POU6F2: variants seen among roughly 807,000 people sequenced by gnomAD.
The protein encoded by POU6F2 is POU class 6 homeobox 2.
Under a neutral mutation model 71.3 loss-of-function variants are expected in POU6F2, and 31 were observed. The ratio of observed to expected loss-of-function variants is 0.43; its 90% CI spans 0.33 to 0.59. The LOEUF is 0.59. Ranked by LOEUF, POU6F2 falls within the 20% of genes least tolerant of loss-of-function variation. The pLI is 0.04. For missense variants in POU6F2, 783 were observed against 856.8 expected (o/e 0.91, Z 1.07); for synonymous variants, 347 against 355.7 (o/e 0.98, Z 0.27).
chr7:39,404,381 A>G (rs1395514913), intron 5 of POU6F2, among the ~76,000 whole-genome samples: 1 of 152,262 alleles, frequency 6.6e-6, no homozygotes, highest in African/African-American at 2.4e-5. Flanking sequence ...TGGTATCCAG[A>G]GAATAATTCT....
intron 1 of POU6F2, among the ~76,000 whole-genome samples, chr7:39,026,675 C>T (rs1332337326): frequency 1.3e-5 from 2 of 152,042 alleles, no homozygotes; most frequent in African/African-American, 4.8e-5. Context: ...GGGTGCAGCA[C>T]ACCAGCATGG....
intron 2 of POU6F2, among the ~76,000 whole-genome samples, chr7:39,190,348 AAG>A (rs1793636077): frequency 3.4e-5 from 5 of 148,968 alleles, no homozygotes; most frequent in African/African-American, 1.2e-4. Flanking sequence ...TTGGGATTGA[AAG>A]AGCACAAGAA....
At chr7:39,325,207 A>C (rs558175156) in intron 4 of POU6F2, among the ~76,000 whole-genome samples, 1 of 152,340 alleles carries the variant, frequency 6.6e-6, no homozygotes, top group South Asian at 2.1e-4. Context: ...CTCAAAATAT[A>C]AAAAGAGATG....
chr7:39,074,037 T>C (rs912539278), intron 1 of POU6F2, among the ~76,000 whole-genome samples: 2 of 152,196 alleles, frequency 1.3e-5, no homozygotes, highest in South Asian at 2.1e-4. Flanking sequence ...AAAAGACTTC[T>C]GAGTAATTTT....
intron 2 of POU6F2, among the ~76,000 whole-genome samples, chr7:39,187,053 T>C (rs532435763): frequency 1.3e-5 from 2 of 152,372 alleles, no homozygotes; most frequent in Non-Finnish European, 2.9e-5. Flanking sequence ...CTTACATTTA[T>C]TGTGTGTTTA....
chr7:39,044,396 T>C (rs945915954), intron 1 of POU6F2, among the ~76,000 whole-genome samples: 10 of 151,970 alleles, frequency 6.6e-5, no homozygotes, highest in African/African-American at 2.2e-4. Context: ...ATTATAGATA[T>C]ATTTTATGTA....
chr7:39,008,789 C>G (rs1789169304), intron 1 of POU6F2, among the ~76,000 whole-genome samples: 1 of 151,174 alleles, frequency 6.6e-6, no homozygotes, highest in South Asian at 2.1e-4. Context: ...AATCCTTTCC[C>G]CATTGCTTGT....
At chr7:39,352,896 C>G (rs1167908450) in intron 5 of POU6F2, among the ~76,000 whole-genome samples, 2 of 152,172 alleles carry the variant, frequency 1.3e-5, no homozygotes, top group Non-Finnish European at 1.5e-5. Flanking sequence ...AGCCCCTGCC[C>G]CTTCCTACCC....
At chr7:39,429,910 A>G (rs1788058652) in intron 6 of POU6F2, among the ~76,000 whole-genome samples, 1 of 152,214 alleles carries the variant, frequency 6.6e-6, no homozygotes, top group Admixed American at 6.5e-5. Flanking sequence ...AATTTAAAAT[A>G]TGATTTCCAC....
At chr7:39,000,047 C>A (rs1788856877) in intron 1 of POU6F2, among the ~76,000 whole-genome samples, 1 of 152,078 alleles carries the variant, frequency 6.6e-6, no homozygotes. Flanking sequence ...GAAAAAATTA[C>A]CAGCCCTCAT....
At chr7:39,415,424 G>C (rs947149875) in intron 6 of POU6F2, among the ~76,000 whole-genome samples, 2 of 152,214 alleles carry the variant, frequency 1.3e-5, no homozygotes, top group African/African-American at 4.8e-5. Context: ...CATCCTGTCT[G>C]TCTAAAGGAT....
At chr7:39,123,207 G>A (rs946399798) in intron 2 of POU6F2, among the ~76,000 whole-genome samples, 93 of 152,152 alleles carry the variant, frequency 6.1e-4, no homozygotes, top group African/African-American at 2.1e-3. Flanking sequence ...ATGAATTTTC[G>A]AGGCCATGGA....
At chr7:39,336,666 AC>A (rs1229758134) in intron 4 of POU6F2, among the ~76,000 whole-genome samples, 1 of 152,072 alleles carries the variant, frequency 6.6e-6, no homozygotes, top group Non-Finnish European at 1.5e-5. Context: ...TCCCAGACAT[AC>A]CTGGAGGTAT....
intron 2 of POU6F2, among the ~76,000 whole-genome samples, chr7:39,192,178 A>T (rs1389437320): frequency 1.3e-5 from 2 of 152,196 alleles, no homozygotes; most frequent in African/African-American, 4.8e-5. Flanking sequence ...AATTTCATGC[A>T]ATGTAATTCC....
chr7:39,412,032 A>G (rs1288149772), intron 6 of POU6F2, among the ~76,000 whole-genome samples: 3 of 152,250 alleles, frequency 2.0e-5, no homozygotes, highest in Non-Finnish European at 4.4e-5. Context: ...ATCTCCAGAG[A>G]GCAAGAGAGT....
chr7:39,464,402 G>A lies in POU6F2; in HGVS notation c.1879G>A (p.Glu627Lys), dbSNP rs146116211. Residue 627 changes from glutamate (E) to lysine (K), a missense_variant, in exon 10 of 10, where the codon GAG (glutamate) becomes AAG (lysine). Glu to Lys is a moderately conservative substitution (Grantham distance 56, BLOSUM62 1). Transcript: ENST00000518318. This position sits in a 1 kb window ranked among gnomAD's most constrained non-coding sequence, Gnocchi z 4.1. ...RHRAGMQNLT[E>K]FIGSEPSKKR... ...TCGAGCAGGTATGCAGAACCTGACC[G>A]AGTTTATCGGGAGTGAACCATCCAA... 3.6e-5 allele frequency: 58 copies of A among 1,613,916 alleles called. No homozygotes were observed. In the African/African-American group the frequency reaches 4.4e-4, roughly 12 times the overall value.
chr7:39,267,965 G>C (rs954112370), intron 4 of POU6F2, among the ~76,000 whole-genome samples: 3 of 152,170 alleles, frequency 2.0e-5, no homozygotes, highest in Non-Finnish European at 4.4e-5. Context: ...TTGCTTGTGA[G>C]GAGAGTTTGA....
chr7:39,161,871 T>G (rs1793005879), intron 2 of POU6F2, among the ~76,000 whole-genome samples: 2 of 152,340 alleles, frequency 1.3e-5, no homozygotes. Flanking sequence ...AAGAATTGGG[T>G]GTCTTCTCAT....
chr7:39,038,391 A>G lies in POU6F2; in HGVS notation c.106-47469A>G, dbSNP rs1323303859. ...ATGAACATTTAAGGCCTCTATTTTT[A>G]ATATAAAATGGTAAATTTATTTTGC... On this transcript the variant is annotated intron_variant, in intron 1 of 9. Transcript: ENST00000518318. 2.0e-5 allele frequency among the ~76,000 whole-genome samples: 3 copies of G among 152,180 alleles called. No individual in the cohort carries two copies. The East Asian group carries it at 5.8e-4, about 29-fold the overall frequency.
Sources: allele counts gnomAD v4.1 joint callset (sites outside exome capture counted in the v4.1 genomes callset), GRCh38; gene constraint gnomAD v4.1.1; non-coding constraint Gnocchi (gnomAD v3.1); transcripts MANE v1.5; gene names NCBI Gene and HGNC (gene_info 2026-07-23, HGNC 2026-07-21).